The following MDM4 variants were observed in gnomAD, a reference collection of about 807,000 sequenced individuals.
The protein encoded by MDM4 is protein Mdm4.
In MDM4, 2 loss-of-function variants were observed where a neutral mutation model predicts 60.2. That is an observed-to-expected ratio of 0.03 (90% confidence interval 0.01 to 0.10). MDM4 has a LOEUF of 0.10. Ranked by LOEUF, MDM4 falls within the 10% of genes least tolerant of loss-of-function variation. The probability of loss-of-function intolerance (pLI) is 1.00; values close to 1 mark genes in which losing one functional copy is unlikely to be tolerated. For missense variants in MDM4, 447 were observed against 577.5 expected, an observed-to-expected ratio of 0.77 and a Z score of 2.32; for synonymous variants, 202 against 198.1, an observed-to-expected ratio of 1.02 and a Z score of -0.17.
Position 204,553,932 on chromosome 1 carries a change from C to T in MDM4, c.*4250C>T. The T allele has an allele frequency of 4.4e-6, 1 of 224,778 alleles. No homozygotes were observed. The highest frequency in any genetic ancestry group is 8.9e-6 in the Non-Finnish European group (1 of 112,766). The allele number at this position is 224,778 out of a possible 1,614,324, so 13.9% of individuals were successfully genotyped here. A position where few individuals can be genotyped will look rare whatever the true frequency, so the allele number is the denominator to read the frequency against. The stretch of plus-strand genomic sequence containing the variant: ...GATTGGAGTTGAGCCATGCCAGCCT[C>T]CACACTGCCACTAACTTCTGTAATG... On this transcript the variant is annotated 3_prime_UTR_variant, in exon 11 of 11. Coordinates refer to ENST00000367182, the MANE Select transcript of MDM4 (RefSeq NM_002393.5).
At chr1:204,534,982 C>G (rs1357398965) in intron 5 of MDM4, among the ~76,000 whole-genome samples, 1 of 152,058 alleles carries the variant, frequency 6.6e-6, no homozygotes, top group Admixed American at 6.6e-5. Flanking sequence ...TTCTGACTTG[C>G]AATTGCATTG....
intron 10 of MDM4, among the ~76,000 whole-genome samples, chr1:204,548,101 T>G (rs541896679): frequency 6.6e-6 from 1 of 152,368 alleles, no homozygotes; most frequent in South Asian, 2.1e-4. Context: ...TTTCATCATA[T>G]CAAAGATGCC....
chr1:204,537,585 T>G lies in MDM4; in HGVS notation c.411+88T>G, dbSNP rs529356045. On this transcript the variant is annotated intron_variant, in intron 6 of 10. Coordinates refer to ENST00000367182, the MANE Select transcript of MDM4 (RefSeq NM_002393.5). ...ATCTTGGACTCCCAAGACCTTTCCC[T>G]GAATGTGGTAAGAATTTAATAAGAA... The G allele has an allele frequency of 8.3e-5, 75 of 903,194 alleles. 4 individuals are homozygous for G. The South Asian group carries it at 1.0e-3, about 12-fold the overall frequency. The allele number at this position is 903,194 out of a possible 1,614,324, so 55.9% of individuals were successfully genotyped here. A position where few individuals can be genotyped will look rare whatever the true frequency, so the allele number is the denominator to read the frequency against.
chr1:204,535,499 A>T (rs1661316103), intron 5 of MDM4, among the ~76,000 whole-genome samples: 1 of 151,098 alleles, frequency 6.6e-6, no homozygotes, highest in African/African-American at 2.4e-5. Flanking sequence ...AAATTTTCCC[A>T]TGTATACAAA....
chr1:204,541,301 A>G (rs1437756895), intron 7 of MDM4, among the ~76,000 whole-genome samples: 1 of 152,112 alleles, frequency 6.6e-6, no homozygotes, highest in Non-Finnish European at 1.5e-5. Flanking sequence ...TCTACAAAAA[A>G]TCAGCCCAGT....
chr1:204,551,424 A>G lies in MDM4; in HGVS notation c.*1742A>G, dbSNP rs933603360. The G allele has an allele frequency of 4.5e-6, 1 of 221,748 alleles. No homozygotes were observed. The highest frequency in any genetic ancestry group is 8.7e-6 in the Non-Finnish European group (1 of 114,760). The allele number at this position is 221,748 out of a possible 1,614,324, so 13.7% of individuals were successfully genotyped here. ...CTCTGGAGCTGCTTACACCAAGGCA[A>G]TACGCCTTGATATACTGGATGGTTG... On this transcript the variant is annotated 3_prime_UTR_variant, in exon 11 of 11. Transcript: ENST00000367182.
intron 6 of MDM4, 185 bp from the exon 7 acceptor site, chr1:204,538,024 A>G (rs773280748): frequency 2.0e-5 from 15 of 768,726 alleles, no homozygotes; most frequent in Non-Finnish European, 3.4e-5. Flanking sequence ...GGATTCTTCT[A>G]GCTTTGCTCA....
intron 2 of MDM4, 45 bp from the exon 3 acceptor site, chr1:204,526,315 C>G (rs1426698277): frequency 6.6e-7 from 1 of 1,512,326 alleles, no homozygotes; most frequent in Non-Finnish European, 9.1e-7. Flanking sequence ...GTTTCAGAAA[C>G]CTACTTGAAA....
At chr1:204,529,025 T>G (rs958388815) in intron 3 of MDM4, 1 of 1,511,154 alleles carries the variant, frequency 6.6e-7, no homozygotes, top group African/African-American at 1.4e-5. Flanking sequence ...TGGAGACCAG[T>G]AGCTGGGTGA....
Position 204,555,410 on chromosome 1 carries a change from C to T in MDM4, c.*5728C>T, listed in dbSNP as rs960309853. The T allele has an allele frequency of 3.2e-5, 5 of 158,034 alleles. No homozygotes were observed. Among genetic ancestry groups the T allele is most frequent in the African/African-American group, 9.6e-5 (4 of 41,652 alleles). The allele number at this position is 158,034 out of a possible 1,614,324, so 9.8% of individuals were successfully genotyped here. On this transcript the variant is annotated 3_prime_UTR_variant, in exon 11 of 11. Transcript: ENST00000367182. ...CCTCGTGATCTGCCCACCTCAGCCTCCCAAAGTACTGGGATTACAGGCGTG... is the reference window on the plus strand; with the variant it reads ...CCTCGTGATCTGCCCACCTCAGCCTTCCAAAGTACTGGGATTACAGGCGTG...
chr1:204,539,835 C>T (rs559879820), intron 7 of MDM4, among the ~76,000 whole-genome samples: 59 of 152,158 alleles, frequency 3.9e-4, no homozygotes, highest in African/African-American at 1.4e-3. Flanking sequence ...CACCCAGCCT[C>T]TGAAAACTTT....
At chr1:204,533,410 G>A (rs1042319911) in intron 5 of MDM4, among the ~76,000 whole-genome samples, 1 of 139,350 alleles carries the variant, frequency 7.2e-6, no homozygotes, top group Non-Finnish European at 1.6e-5. Flanking sequence ...AGGCTGGAGT[G>A]CAGTGGCACT....
At chr1:204,524,089 G>GCA (rs1659860525) in intron 1 of MDM4, among the ~76,000 whole-genome samples, 2 of 152,190 alleles carry the variant, frequency 1.3e-5, no homozygotes, top group Non-Finnish European at 1.5e-5. Context: ...GAAGCTAGGA[G>GCA]GGGGTTGTTT....
At chr1:204,521,941 G>A (rs537073496) in intron 1 of MDM4, among the ~76,000 whole-genome samples, 89 of 152,272 alleles carry the variant, frequency 5.8e-4, no homozygotes, top group African/African-American at 2.1e-3. Context: ...GAATACAAGC[G>A]GTTGGGAGTT....
Position 204,557,053 on chromosome 1 carries a change from A to G in MDM4, c.*7371A>G, listed in dbSNP as rs903932781. On this transcript the variant is annotated 3_prime_UTR_variant, in exon 11 of 11. Transcript: ENST00000367182. The stretch of plus-strand genomic sequence containing the variant: ...ATACATACCTACCCTTTTCTACCTC[A>G]TCATTTGTTGTAGGGATTAAATCCG... 6.9e-5 allele frequency: 14 copies of G among 202,470 alleles called. No individual in the cohort carries two copies. Among genetic ancestry groups the G allele is most frequent in the Non-Finnish European group, 1.3e-4 (13 of 98,558 alleles). The allele number at this position is 202,470 out of a possible 1,614,324, so 12.5% of individuals were successfully genotyped here. A position where few individuals can be genotyped will look rare whatever the true frequency, so the allele number is the denominator to read the frequency against.
At chr1:204,536,955 G>A in intron 5 of MDM4, 2 of 393,598 alleles carry the variant, frequency 5.1e-6, no homozygotes, top group Non-Finnish European at 9.8e-6. Context: ...GTTTTATGAA[G>A]CAAACGGGGA....
At chr1:204,529,601 A>C in intron 3 of MDM4, 4 of 1,272,964 alleles carry the variant, frequency 3.1e-6, no homozygotes, top group Non-Finnish European at 4.3e-6. Context: ...GCCCTCCACT[A>C]CTGGGGGGGG....
Position 204,526,412 on chromosome 1 carries a change from G to A in MDM4, c.131G>A (p.Gly44Asp), listed in dbSNP as rs2102322075. Residue 44 changes from glycine (G) to aspartate (D), a missense_variant, in exon 3 of 11, where the codon GGT becomes GAT. Around this residue, in one of 8 missense-constraint regions of MDM4, gnomAD observed 31 missense variants for 87.6 expected, o/e 0.35. Coordinates refer to ENST00000367182, the MANE Select transcript of MDM4 (RefSeq NM_002393.5). Reference sequence around the variant, plus strand: ...ATTTTGCATGCAGCAGGTGCGCAAGGTGAAATGTTCACTGTTAAAGAGGTA... The same window carrying A: ...ATTTTGCATGCAGCAGGTGCGCAAGATGAAATGTTCACTGTTAAAGAGGTA... ...LKILHAAGAQ[G>D]EMFTVKEVMH... is the part of the protein sequence containing the mutation. The A allele has an allele frequency of 1.2e-6, 2 of 1,613,468 alleles. No homozygotes were observed. The highest frequency in any genetic ancestry group is 8.5e-7 in the Non-Finnish European group (1 of 1,179,676).
At chr1:204,538,007 A>G (rs1661594159) in intron 6 of MDM4, 1 of 762,368 alleles carries the variant, frequency 1.3e-6, no homozygotes, top group South Asian at 1.4e-5. Flanking sequence ...TTTTCCCCCC[A>G]GGTTTGGGAT....
Sources: allele counts gnomAD v4.1 joint callset (sites outside exome capture counted in the v4.1 genomes callset), GRCh38; gene constraint gnomAD v4.1.1; regional missense constraint gnomAD v4.1.1; transcripts MANE v1.5; gene names NCBI Gene and HGNC (gene_info 2026-07-23, HGNC 2026-07-21).